Variants in NDUFA12 observed in about 807,000 individuals in gnomAD.
The protein encoded by NDUFA12 is NADH dehydrogenase [ubiquinone] 1 alpha subcomplex subunit 12.
NDUFA12 carries 17 observed loss-of-function variants against 20.3 expected under a neutral mutation model. The observed-to-expected ratio is 0.84, with a 90% CI of 0.57 to 1.26. The LOEUF is 1.26. Among genes scored for constraint, NDUFA12 ranks in the 50% most tolerant of loss-of-function variants. The pLI is 0.00. For missense variants in NDUFA12, 191 were observed against 183.7 expected (o/e 1.04, Z -0.23); for synonymous variants, 72 against 63.6 (o/e 1.13, Z -0.63).
intron 3 of NDUFA12, chr12:94,971,931 C>T: frequency 2.2e-6 from 1 of 451,172 alleles, no homozygotes; most frequent in East Asian, 4.6e-5. Flanking sequence ...TTCTTTCTTT[C>T]TTTCTTTTGG....
chr12:94,988,737 C>G (rs899108933), intron 3 of NDUFA12, among the ~76,000 whole-genome samples: 1 of 152,164 alleles, frequency 6.6e-6, no homozygotes, highest in East Asian at 1.9e-4. Context: ...GACTGAGACA[C>G]TTCCTGTTTA....
chr12:94,981,121 A>G (rs377323475), intron 3 of NDUFA12, among the ~76,000 whole-genome samples: 1 of 152,230 alleles, frequency 6.6e-6, no homozygotes, highest in East Asian at 1.9e-4. Flanking sequence ...AAAAAAAGAA[A>G]GAAAAAGTAG....
At chr12:95,002,717 T>C (rs776527822) in intron 2 of NDUFA12, 22 bp downstream of exon 2, 15 of 1,548,702 alleles carry the variant, frequency 9.7e-6, no homozygotes, top group Middle Eastern at 1.7e-4. Context: ...CAATTATTCA[T>C]ACTAAAAAAT....
Position 94,971,466 on chromosome 12 carries a change from T to A in NDUFA12, c.412A>T (p.Ile138Phe), listed in dbSNP as rs753910749. 10 of 1,614,084 alleles carry A rather than the reference T, an allele frequency of 6.2e-6. No individual in the cohort carries two copies. The part of the protein sequence containing the change: ...STTRKKIQEW[I>F]PPSTPYK ...TACTTGTAAGGTGTTGAAGGTGGGA[T>A]CCACTCCTGAATCTTCTTTCTAGTG... The change falls in exon 4 of 4, where the codon ATC (isoleucine) becomes TTC (phenylalanine). Residue 138 changes from isoleucine (I) to phenylalanine (F), a missense_variant. Ile to Phe is a conservative substitution (Grantham distance 21). Transcript: ENST00000327772.
intron 3 of NDUFA12, among the ~76,000 whole-genome samples, chr12:94,977,481 A>C (rs1053873774): frequency 6.8e-6 from 1 of 146,344 alleles, no homozygotes; most frequent in African/African-American, 2.7e-5. Context: ...AAAAAAAAAA[A>C]ACACCCCTCC....
chr12:94,995,627 G>A (rs1874797922), intron 2 of NDUFA12, among the ~76,000 whole-genome samples: 1 of 152,066 alleles, frequency 6.6e-6, no homozygotes, highest in Non-Finnish European at 1.5e-5. Context: ...TCCCCTTCCT[G>A]GGTTCAAGCG....
chr12:94,992,222 T>C (rs994841573), intron 3 of NDUFA12, among the ~76,000 whole-genome samples: 1 of 152,228 alleles, frequency 6.6e-6, no homozygotes, highest in Non-Finnish European at 1.5e-5. Context: ...AAATACGTCA[T>C]GCAAAATTTG....
chr12:94,996,182 G>T (rs914042027), intron 2 of NDUFA12, among the ~76,000 whole-genome samples: 3 of 151,836 alleles, frequency 2.0e-5, no homozygotes, highest in Admixed American at 2.0e-4. Context: ...CATTTCAGGT[G>T]GGGCAACAGA....
chr12:94,994,181 C>G lies in NDUFA12; in HGVS notation c.246G>C (p.Val82=). 1 of 1,613,940 alleles carries G rather than the reference C, an allele frequency of 6.2e-7. No homozygotes were observed. The stretch of plus-strand genomic sequence containing the variant: ...TTGTCTTAGCTTACCATTCAGGAGG[C>G]ACCATGCTTCCATCCACATCCCAGA... ...NTFWDVDGSM[V]PPEWHRWLHS... is the part of the protein sequence containing the mutation. The change falls in exon 3 of 4, where the codon GTG becomes GTC. Residue 82 remains valine, a synonymous_variant. Transcript: ENST00000327772.
At chr12:94,978,893 T>G (rs1874144571) in intron 3 of NDUFA12, among the ~76,000 whole-genome samples, 2 of 152,010 alleles carry the variant, frequency 1.3e-5, no homozygotes, top group Admixed American at 1.3e-4. Context: ...ACTAAAACAC[T>G]CGAACTGACA....
chr12:94,978,132 G>A (rs966940046), intron 3 of NDUFA12, among the ~76,000 whole-genome samples: 2 of 152,224 alleles, frequency 1.3e-5, no homozygotes, highest in Non-Finnish European at 2.9e-5. Context: ...CGCAGAGCAT[G>A]GAAGGAGTTG....
intron 3 of NDUFA12, among the ~76,000 whole-genome samples, chr12:94,992,012 T>C (rs1592704038): frequency 6.6e-6 from 1 of 152,160 alleles, no homozygotes; most frequent in African/African-American, 2.4e-5. Flanking sequence ...TATCCCACTT[T>C]CTACTGAAGA....
chr12:94,983,460 G>A (rs940391892), intron 3 of NDUFA12, among the ~76,000 whole-genome samples: 1 of 152,144 alleles, frequency 6.6e-6, no homozygotes, highest in African/African-American at 2.4e-5. Context: ...AATGAGCTGG[G>A]AAGCAAATCT....
intron 2 of NDUFA12, among the ~76,000 whole-genome samples, chr12:94,997,907 C>T (rs7309242): frequency 0.21 from 32,458 of 152,056 alleles, 3,765 homozygotes; most frequent in East Asian, 0.42. Flanking sequence ...GGAAATTTTG[C>T]CCCCAAGGGG....
intron 3 of NDUFA12, among the ~76,000 whole-genome samples, chr12:94,988,711 T>C (rs10777667): frequency 0.87 from 132,364 of 152,152 alleles, 57,676 homozygotes; most frequent in Admixed American, 0.9. Flanking sequence ...CCAGGTACTA[T>C]GTAGCAGTTA....
At chr12:94,987,662 G>A (rs1375157646) in intron 3 of NDUFA12, among the ~76,000 whole-genome samples, 1 of 151,926 alleles carries the variant, frequency 6.6e-6, no homozygotes, top group East Asian at 1.9e-4. Flanking sequence ...TTCGCCAGGT[G>A]TAGTGGCACA....
chr12:94,996,635 T>A (rs554440133), intron 2 of NDUFA12, among the ~76,000 whole-genome samples: 1 of 151,672 alleles, frequency 6.6e-6, no homozygotes, highest in East Asian at 2.0e-4. Context: ...CTGACCAACA[T>A]AGAGAAACCC....
At chr12:94,981,092 AAAGAC>A (rs1874221950) in intron 3 of NDUFA12, among the ~76,000 whole-genome samples, 1 of 152,172 alleles carries the variant, frequency 6.6e-6, no homozygotes, top group Non-Finnish European at 1.5e-5. Context: ...TGAACAAAAT[AAAGAC>A]AAGAACAAGA....
intron 3 of NDUFA12, among the ~76,000 whole-genome samples, chr12:94,992,831 C>T (rs1423182812): frequency 2.0e-5 from 3 of 152,108 alleles, no homozygotes; most frequent in Non-Finnish European, 4.4e-5. Context: ...CTCCAGACAT[C>T]AGACATCTAG....
Sources: gnomAD v4.1 joint callset for allele counts (sites outside exome capture counted in the v4.1 genomes callset) on GRCh38, gnomAD v4.1.1 for gene constraint, MANE v1.5 for transcripts, NCBI Gene and HGNC (gene_info 2026-07-23, HGNC 2026-07-21) for gene names.